The following RARB variants were observed in gnomAD, a reference collection of about 807,000 sequenced individuals.
The protein encoded by RARB is HBV-activated protein.
In RARB, 17 loss-of-function variants were observed where a neutral mutation model predicts 51.9. The observed-to-expected ratio is 0.33, with a 90% CI of 0.22 to 0.49. The LOEUF (loss-of-function observed/expected upper bound fraction) is 0.49, where lower values mean the gene tolerates loss of function less well. Ranked by LOEUF, RARB falls within the 20% of genes least tolerant of loss-of-function variation. The pLI is 0.99. For synonymous variants in RARB, 215 were observed against 195.4 expected, an observed-to-expected ratio of 1.10 and a Z score of -0.84; for missense variants, 369 against 550.8, an observed-to-expected ratio of 0.67 and a Z score of 3.30.
At chr3:25,127,379 G>A (rs1001827136) in intron 3 of RARB, among the ~76,000 whole-genome samples, 1 of 152,064 alleles carries the variant, frequency 6.6e-6, no homozygotes, top group Non-Finnish European at 1.5e-5. Context: ...CTTTGCATTC[G>A]TGCTTCTCTC....
chr3:25,337,079 G>A (rs1705085073), intron 5 of RARB, among the ~76,000 whole-genome samples: 1 of 152,176 alleles, frequency 6.6e-6, no homozygotes, highest in South Asian at 2.1e-4. Flanking sequence ...CTCAGCATCA[G>A]AATGGGATGC....
chr3:24,885,016 G>C (rs946039079), intron 2 of RARB, among the ~76,000 whole-genome samples: 2 of 152,140 alleles, frequency 1.3e-5, no homozygotes, highest in Non-Finnish European at 2.9e-5. Context: ...TCCAGGCGAA[G>C]AATATTAGAA....
intron 3 of RARB, among the ~76,000 whole-genome samples, chr3:25,113,047 C>T (rs1372187622): frequency 6.6e-6 from 1 of 152,112 alleles, no homozygotes; most frequent in Non-Finnish European, 1.5e-5. Flanking sequence ...TTTGTTCTGA[C>T]TTGCTGTTTA....
intron 3 of RARB, among the ~76,000 whole-genome samples, chr3:25,104,447 G>A (rs1337630470): frequency 2.0e-5 from 3 of 152,110 alleles, no homozygotes; most frequent in African/African-American, 7.2e-5. Context: ...TTTGAGACAA[G>A]CCTGGGCAAC....
chr3:24,994,500 C>G (rs996871739), intron 2 of RARB, among the ~76,000 whole-genome samples: 6 of 151,530 alleles, frequency 4.0e-5, no homozygotes, highest in Non-Finnish European at 8.9e-5. Context: ...CTTTTTGGAT[C>G]GATGTAATTA....
intron 3 of RARB, among the ~76,000 whole-genome samples, chr3:25,122,378 AAACT>A (rs960927679): frequency 2.6e-5 from 4 of 151,772 alleles, no homozygotes; most frequent in Admixed American, 2.6e-4. Flanking sequence ...AGTTTTTTTG[AAACT>A]AACTGCTTTT....
intron 5 of RARB, among the ~76,000 whole-genome samples, chr3:25,384,563 G>A (rs1242248404): frequency 2.0e-5 from 3 of 152,100 alleles, no homozygotes; most frequent in South Asian, 2.1e-4. Flanking sequence ...TTTCTTTGTA[G>A]CATCAGAACT....
At chr3:25,194,108 T>C (rs1195720590) in intron 5 of RARB, among the ~76,000 whole-genome samples, 1 of 151,828 alleles carries the variant, frequency 6.6e-6, no homozygotes, top group East Asian at 1.9e-4. Flanking sequence ...TTTGGGACAA[T>C]ACAGATAAAT....
chr3:25,104,242 G>A (rs1346754996), intron 3 of RARB, among the ~76,000 whole-genome samples: 1 of 152,218 alleles, frequency 6.6e-6, no homozygotes, highest in Non-Finnish European at 1.5e-5. Flanking sequence ...TCACAAGGCT[G>A]TGGTGCAACC....
chr3:24,896,057 T>C (rs771857071), intron 2 of RARB, among the ~76,000 whole-genome samples: 1 of 152,216 alleles, frequency 6.6e-6, no homozygotes, highest in African/African-American at 2.4e-5. Context: ...CGTTACATGA[T>C]GCAACGTGTA....
intron 5 of RARB, among the ~76,000 whole-genome samples, chr3:25,383,304 C>CCA (rs1405800341): frequency 6.6e-6 from 1 of 152,188 alleles, no homozygotes; most frequent in Non-Finnish European, 1.5e-5. Flanking sequence ...CTCTGCCAGC[C>CCA]CACTGCACAA....
intron 2 of RARB, among the ~76,000 whole-genome samples, chr3:24,864,275 C>A (rs904904748): frequency 2.0e-5 from 3 of 152,154 alleles, no homozygotes; most frequent in Non-Finnish European, 4.4e-5. Context: ...GACACACCAT[C>A]CATCCTTTGC....
chr3:25,325,472 A>G (rs1025138405), intron 5 of RARB, among the ~76,000 whole-genome samples: 1 of 151,862 alleles, frequency 6.6e-6, no homozygotes, highest in Non-Finnish European at 1.5e-5. Flanking sequence ...TCTCAGCCTT[A>G]TTTTACCCAG....
chr3:25,261,798 T>C (rs1703004132), intron 5 of RARB, among the ~76,000 whole-genome samples: 1 of 152,184 alleles, frequency 6.6e-6, no homozygotes, highest in Non-Finnish European at 1.5e-5. Flanking sequence ...TTTACCTTCA[T>C]GCCTTACATC....
intron 5 of RARB, among the ~76,000 whole-genome samples, chr3:25,243,036 T>C (rs748983275): frequency 3.3e-5 from 5 of 152,138 alleles, no homozygotes; most frequent in Non-Finnish European, 5.9e-5. Flanking sequence ...CCCCTGTAAG[T>C]TGTATTTCTA....
intron 2 of RARB, among the ~76,000 whole-genome samples, chr3:25,015,582 C>T (rs542458569): frequency 2.0e-4 from 31 of 152,244 alleles, no homozygotes; most frequent in African/African-American, 7.0e-4. Context: ...AGGATTTCAT[C>T]TTCTGTAATG....
chr3:25,187,862 A>G (rs1656080540), intron 5 of RARB, among the ~76,000 whole-genome samples: 1 of 152,136 alleles, frequency 6.6e-6, no homozygotes, highest in South Asian at 2.1e-4. Context: ...TTCATAATAA[A>G]TAAATGTTTT....
At chr3:24,945,107 T>A (rs1419230185) in intron 2 of RARB, among the ~76,000 whole-genome samples, 1 of 152,244 alleles carries the variant, frequency 6.6e-6, no homozygotes, top group Non-Finnish European at 1.5e-5. Flanking sequence ...ATCTATTATG[T>A]TGAAGTTATG....
chr3:24,910,447 A>T (rs1045909084), intron 2 of RARB, among the ~76,000 whole-genome samples: 3 of 152,254 alleles, frequency 2.0e-5, no homozygotes, highest in Non-Finnish European at 4.4e-5. Flanking sequence ...TTTGATAAAT[A>T]TAGAGTAAAT....
Sources: allele counts gnomAD v4.1 joint callset (sites outside exome capture counted in the v4.1 genomes callset), GRCh38; gene constraint gnomAD v4.1.1; transcripts MANE v1.5; gene names NCBI Gene and HGNC (gene_info 2026-07-23, HGNC 2026-07-21).